The following DNAH11 variants were observed in gnomAD, a reference collection of about 807,000 sequenced individuals.
The protein encoded by DNAH11 is axonemal beta dynein heavy chain 11.
Under a neutral mutation model 526.0 loss-of-function variants are expected in DNAH11, and 442 were observed. The observed-to-expected ratio is 0.84, with a 90% CI of 0.78 to 0.91. DNAH11 has a LOEUF of 0.91. Among genes scored for constraint, DNAH11 ranks in the 40% least tolerant of loss-of-function variants. The probability of loss-of-function intolerance (pLI) is 0.00; values close to 1 mark genes in which losing one functional copy is unlikely to be tolerated. For synonymous variants in DNAH11, 2,461 were observed against 1,935.9 expected (o/e 1.27, Z -7.12); for missense variants, 6,989 against 5,448.7 (o/e 1.28, Z -8.90).
intron 54 of DNAH11, among the ~76,000 whole-genome samples, chr7:21,760,799 A>C (rs1399728772): frequency 6.6e-6 from 1 of 152,186 alleles, no homozygotes; most frequent in Non-Finnish European, 1.5e-5. Context: ...CTGGTTAGCC[A>C]CCTTCCCACC....
chr7:21,861,937 A>G lies in DNAH11; in HGVS notation c.11287A>G (p.Ser3763Gly). 1.2e-6 allele frequency: 2 copies of G among 1,613,484 alleles called. No individual in the cohort carries two copies. The highest frequency in any genetic ancestry group is 1.7e-6 in the Non-Finnish European group (2 of 1,179,550). The stretch of plus-strand genomic sequence containing the variant: ...GGGACGCATCTCTATCCTGATGGAG[A>G]GCATCACCCATGCTGTCTTCCTCTA... ...MQGRISILME[S>G]ITHAVFLYTS... The change falls in exon 69 of 82, where the codon AGC (serine) becomes GGC (glycine). Residue 3763 changes from serine (S) to glycine (G), a missense_variant. Transcript: ENST00000409508.
At chr7:21,658,194 G>C (rs1350519676) in intron 29 of DNAH11, among the ~76,000 whole-genome samples, 1 of 151,968 alleles carries the variant, frequency 6.6e-6, no homozygotes, top group East Asian at 1.9e-4. Context: ...CAAGTCAGCA[G>C]TTGTCCTATG....
chr7:21,685,753 A>G (rs750703849), intron 32 of DNAH11, among the ~76,000 whole-genome samples: 14 of 152,218 alleles, frequency 9.2e-5, no homozygotes, highest in Non-Finnish European at 1.9e-4. Context: ...GTCCAGAGGT[A>G]CAGGCTGGCA....
chr7:21,718,624 C>T (rs752492377), intron 43 of DNAH11, among the ~76,000 whole-genome samples: 8 of 152,250 alleles, frequency 5.3e-5, no homozygotes, highest in Admixed American at 2.0e-4. Flanking sequence ...ATTCACAACA[C>T]ACAGAAATGA....
chr7:21,876,131 G>C (rs955638568), intron 74 of DNAH11, among the ~76,000 whole-genome samples: 1 of 151,964 alleles, frequency 6.6e-6, no homozygotes, highest in African/African-American at 2.4e-5. Context: ...TGATCTGCCC[G>C]CCTCGGCATC....
intron 2 of DNAH11, among the ~76,000 whole-genome samples, chr7:21,552,318 A>C (rs1237779264): frequency 6.6e-6 from 1 of 152,172 alleles, no homozygotes; most frequent in Non-Finnish European, 1.5e-5. Context: ...TTTTTTGAGC[A>C]TGAGTTAATT....
rs772253654 is a variant in DNAH11, at chr7:21,717,854, C to T, written c.7063C>T (p.Pro2355Ser). Residue 2355 changes from proline (P) to serine (S), a missense_variant, in exon 43 of 82, where the codon CCT becomes TCT. By Grantham distance (74) the Pro-to-Ser change is moderately conservative. Transcript: ENST00000409508. ...NLTILFDKYV[P>S]ACLDKLRTSF... ...GACTATTCTTTTTGATAAATATGTC[C>T]CTGCATGCTTGGATAAACTGAGAAC... 4 of 1,613,814 alleles carry T rather than the reference C, an allele frequency of 2.5e-6. No homozygotes were observed. The highest frequency in any genetic ancestry group is 1.7e-5 in the Admixed American group (1 of 59,988).
chr7:21,834,214 TATACAA>T (rs1781900568), intron 65 of DNAH11, among the ~76,000 whole-genome samples: 1 of 152,090 alleles, frequency 6.6e-6, no homozygotes, highest in South Asian at 2.1e-4. Flanking sequence ...CTTTGGAAAC[TATACAA>T]ATACTTGGAG....
intron 55 of DNAH11, among the ~76,000 whole-genome samples, chr7:21,766,317 G>A (rs1160286658): frequency 6.6e-6 from 1 of 152,188 alleles, no homozygotes; most frequent in Non-Finnish European, 1.5e-5. Context: ...TTTTATTCAT[G>A]TCTAGTGCCT....
chr7:21,742,820 C>A (rs962749172), intron 49 of DNAH11, among the ~76,000 whole-genome samples: 1 of 152,120 alleles, frequency 6.6e-6, no homozygotes, highest in African/African-American at 2.4e-5. Context: ...TCTTTGTCTG[C>A]GCTTCCGTGA....
chr7:21,717,891 C>G lies in DNAH11; in HGVS notation c.7100C>G (p.Thr2367Ser). The change falls in exon 43 of 82, where the codon ACC becomes AGC. Residue 2367 changes from threonine to serine, a missense_variant. Transcript: ENST00000409508. ...CLDKLRTSFK[T>S]ITSIPESSLV... ...GATAAACTGAGAACAAGCTTTAAAA[C>G]CATCACTTCAATTCCTGAGAGTAGC... 6.2e-7 allele frequency: 1 copy of G among 1,613,696 alleles called. No individual in the cohort carries two copies. Among genetic ancestry groups the G allele is most frequent in the Non-Finnish European group, 8.5e-7 (1 of 1,179,724 alleles).
At position 21,570,209 on chromosome 7, in the gene DNAH11, T is replaced by G. The variant is rs376831401; in HGVS notation, c.1335T>G (p.Phe445Leu). 2 of 1,613,496 alleles carry G rather than the reference T, an allele frequency of 1.2e-6. No homozygotes were observed. Among genetic ancestry groups the G allele is most frequent in the Non-Finnish European group, 1.7e-6 (2 of 1,179,718 alleles). ...ATAGAAAAAAATTGGCAAGCTACTTTATGGGAAGAAAGCTGAGACCATGGG... is the reference window on the plus strand; with the variant it reads ...ATAGAAAAAAATTGGCAAGCTACTTGATGGGAAGAAAGCTGAGACCATGGG... ...FNYRKKLASY[F>L]MGRKLRPWDF... Residue 445 changes from phenylalanine to leucine, a missense_variant, in exon 7 of 82, where the codon TTT (phenylalanine) becomes TTG (leucine). Physicochemically the swap from Phe to Leu is conservative, Grantham distance 22. Coordinates refer to ENST00000409508, the MANE Select transcript of DNAH11 (RefSeq NM_001277115.2).
chr7:21,545,045 A>G lies in DNAH11; in HGVS notation c.391A>G (p.Lys131Glu). 3 of 1,599,104 alleles carry G rather than the reference A, an allele frequency of 1.9e-6. No homozygotes were observed. Among genetic ancestry groups the G allele is most frequent in the Admixed American group, 1.7e-5 (1 of 57,736 alleles). Reference sequence around the variant, plus strand: ...AAACCATAAACTTGTTTTTATTTCCAAGAAGATTACTGAAAGCATTGGAGT... The same window carrying G: ...AAACCATAAACTTGTTTTTATTTCCGAGAAGATTACTGAAAGCATTGGAGT... ...DANHKLVFIS[K>E]KITESIGVND... Residue 131 changes from lysine (K) to glutamate (E), a missense_variant, in exon 2 of 82, where the codon AAG becomes GAG. By Grantham distance (56) the Lys-to-Glu change is moderately conservative. Coordinates refer to ENST00000409508, the MANE Select transcript of DNAH11 (RefSeq NM_001277115.2).
intron 8 of DNAH11, among the ~76,000 whole-genome samples, chr7:21,578,890 C>G (rs1236747092): frequency 1.3e-5 from 2 of 152,178 alleles, no homozygotes; most frequent in African/African-American, 4.8e-5. Context: ...CCCAAACCTA[C>G]TCTTGCCTGT....
intron 76 of DNAH11, among the ~76,000 whole-genome samples, chr7:21,887,134 C>G (rs1784153575): frequency 6.6e-6 from 1 of 152,150 alleles, no homozygotes; most frequent in Non-Finnish European, 1.5e-5. Context: ...GGAACATGAT[C>G]AAAAAGCAAC....
At chr7:21,841,221 C>G (rs1463174320) in intron 65 of DNAH11, among the ~76,000 whole-genome samples, 1 of 152,014 alleles carries the variant, frequency 6.6e-6, no homozygotes, top group African/African-American at 2.4e-5. Context: ...TTTAATATTT[C>G]ATCTTTATAA....
At chr7:21,573,487 T>C (rs574568936) in intron 8 of DNAH11, among the ~76,000 whole-genome samples, 4 of 152,308 alleles carry the variant, frequency 2.6e-5, no homozygotes, top group Admixed American at 6.5e-5. Context: ...AGCATACTTA[T>C]GTTGAAAATG....
At chr7:21,581,820 C>T in intron 8 of DNAH11, 85 bp from the exon 9 acceptor site, 1 of 810,460 alleles carries the variant, frequency 1.2e-6, no homozygotes, top group Non-Finnish European at 2.1e-6. Flanking sequence ...CGAGAGAGAG[C>T]TAAAGTAAGG....
At chr7:21,549,882 A>T (rs1421556102) in intron 2 of DNAH11, among the ~76,000 whole-genome samples, 1 of 152,138 alleles carries the variant, frequency 6.6e-6, no homozygotes, top group Non-Finnish European at 1.5e-5. Context: ...CCACATTCCC[A>T]CAAGGTAAAA....
Sources: allele counts gnomAD v4.1 joint callset (sites outside exome capture counted in the v4.1 genomes callset), GRCh38; gene constraint gnomAD v4.1.1; transcripts MANE v1.5; gene names NCBI Gene and HGNC (gene_info 2026-07-23, HGNC 2026-07-21).